The following ALPL variants were observed in gnomAD, a reference collection of about 807,000 sequenced individuals.
ALPL encodes the protein alkaline phosphatase, tissue-nonspecific isozyme.
Under a neutral mutation model 51.3 loss-of-function variants are expected in ALPL, and 42 were observed. That is an observed-to-expected ratio of 0.82 (90% CI 0.64 to 1.06). The LOEUF (loss-of-function observed/expected upper bound fraction) is 1.06. ALPL is among the 50% of genes least tolerant of loss of function. ALPL has a pLI of 0.00. For synonymous variants in ALPL, 279 were observed against 296.4 expected, an observed-to-expected ratio of 0.94 and a Z score of 0.60; for missense variants, 589 against 709.4, an observed-to-expected ratio of 0.83 and a Z score of 1.93.
rs1330098014 is a variant in ALPL, at chr1:21,509,578, C to T, written c.-105+61C>T. On this transcript the variant is annotated intron_variant, in intron 1 of 11. Transcript: ENST00000374840. The surrounding 1 kb of genome is among the most constrained non-coding windows in gnomAD (Gnocchi z 6.0). The stretch of plus-strand genomic sequence containing the variant: ...CAGGGCCCCAGCGGACGTGGTCCAT[C>T]CCCTTCTGCATCCTCCGCTGGCCCC... 2 of 152,390 alleles carry T rather than the reference C, an allele frequency of 1.3e-5. No individual in the cohort carries two copies. Among genetic ancestry groups the T allele is most frequent in the African/African-American group, 4.8e-5 (2 of 41,452 alleles). The allele number at this position is 152,390 out of a possible 1,614,324, so 9.4% of individuals were successfully genotyped here.
At chr1:21,571,738 C>T (rs922058180) in intron 8 of ALPL, among the ~76,000 whole-genome samples, 8 of 151,982 alleles carry the variant, frequency 5.3e-5, no homozygotes, top group African/African-American at 1.7e-4. Flanking sequence ...GCCTGTAATC[C>T]TAGCACTTTG....
chr1:21,553,932 A>G, intron 1 of ALPL, 46 bp from the exon 2 acceptor site: 1 of 719,254 alleles, frequency 1.4e-6, no homozygotes, highest in Non-Finnish European at 2.6e-6. Context: ...AAGGATCTCT[A>G]GAGCTGTGCC....
rs1056705094 is a variant in ALPL at position 21,569,584 on chromosome 1, G to A, written c.793-721G>A. 2.2e-4 allele frequency among the ~76,000 whole-genome samples: 33 copies of A among 152,252 alleles called. 1 individual carries two copies. The highest frequency in any genetic ancestry group is 4.1e-4 in the South Asian group (2 of 4,828). The stretch of plus-strand genomic sequence containing the variant: ...AAGCAGGGGCTGGGAGGGGGGGTGC[G>A]GAGCCCCACTTTCTGAGCCTCTCTG... On this transcript the variant is annotated intron_variant, in intron 7 of 11. Transcript: ENST00000374840.
chr1:21,513,134 A>G (rs962881916), intron 1 of ALPL, among the ~76,000 whole-genome samples: 1 of 152,030 alleles, frequency 6.6e-6, no homozygotes, highest in South Asian at 2.1e-4. Flanking sequence ...GAGAGGAGAC[A>G]TAGATCCCCA....
chr1:21,512,325 T>C (rs113459200), intron 1 of ALPL, among the ~76,000 whole-genome samples: 2 of 152,228 alleles, frequency 1.3e-5, no homozygotes, highest in Non-Finnish European at 2.9e-5. Context: ...ACCTTCCCTT[T>C]CGAAGCCTCA....
intron 1 of ALPL, among the ~76,000 whole-genome samples, chr1:21,533,983 A>T (rs1417175930): frequency 1.3e-5 from 2 of 151,508 alleles, no homozygotes; most frequent in Non-Finnish European, 2.9e-5. Context: ...GACTTGGGAG[A>T]TTACCAAATA....
At chr1:21,557,410 A>T (rs1358192960) in intron 2 of ALPL, among the ~76,000 whole-genome samples, 1 of 152,218 alleles carries the variant, frequency 6.6e-6, no homozygotes, top group African/African-American at 2.4e-5. Flanking sequence ...CTCTCAGGCC[A>T]TTGCTGCGTC....
chr1:21,549,738 C>T (rs1280110173), intron 1 of ALPL, among the ~76,000 whole-genome samples: 3 of 152,146 alleles, frequency 2.0e-5, no homozygotes, highest in African/African-American at 7.2e-5. Flanking sequence ...GCTGGGATTA[C>T]AGGTGTGAGC....
At chr1:21,573,579 T>A in intron 8 of ALPL, 86 bp from the exon 9 acceptor site, 2 of 1,550,954 alleles carry the variant, frequency 1.3e-6, no homozygotes, top group Non-Finnish European at 1.8e-6. Context: ...GGAGCCTGCA[T>A]TCCCTGAGAC....
chr1:21,535,636 G>A (rs945225873), intron 1 of ALPL, among the ~76,000 whole-genome samples: 1 of 152,050 alleles, frequency 6.6e-6, no homozygotes, highest in African/African-American at 2.4e-5. Flanking sequence ...AAAGGAGAGT[G>A]AAGCTGGATG....
chr1:21,539,731 T>G (rs1052896386), intron 1 of ALPL, among the ~76,000 whole-genome samples: 3 of 151,650 alleles, frequency 2.0e-5, no homozygotes, highest in Non-Finnish European at 4.4e-5. Flanking sequence ...CACAGCTCAT[T>G]GCAAGCTCCA....
At chr1:21,526,435 C>T (rs538909868) in intron 1 of ALPL, among the ~76,000 whole-genome samples, 39 of 152,216 alleles carry the variant, frequency 2.6e-4, no homozygotes, top group African/African-American at 8.7e-4. Flanking sequence ...CTACCACGCC[C>T]GGCCTACTTT....
chr1:21,524,670 G>A (rs1643918536), intron 1 of ALPL, among the ~76,000 whole-genome samples: 1 of 152,146 alleles, frequency 6.6e-6, no homozygotes, highest in Admixed American at 6.6e-5. Flanking sequence ...TGTCAGATGG[G>A]TACACTCTTC....
intron 1 of ALPL, among the ~76,000 whole-genome samples, chr1:21,546,575 C>T (rs994371489): frequency 3.9e-5 from 6 of 152,300 alleles, no homozygotes; most frequent in Admixed American, 3.3e-4. Context: ...AAGGCCCCTC[C>T]GTGCTGGCAA....
chr1:21,555,448 C>A (rs919853655), intron 2 of ALPL, among the ~76,000 whole-genome samples: 1 of 152,226 alleles, frequency 6.6e-6, no homozygotes, highest in Non-Finnish European at 1.5e-5. Context: ...CAGACTCTCA[C>A]TCTGTTTGCC....
At chr1:21,561,306 C>G (rs1338915904) in intron 4 of ALPL, 94 bp downstream of exon 4, 15 of 1,126,280 alleles carry the variant, frequency 1.3e-5, no homozygotes, top group Non-Finnish European at 1.8e-5. Flanking sequence ...CCCTGACCCC[C>G]TGAGCCCCCT....
chr1:21,533,937 AG>A (rs66837538), intron 1 of ALPL, among the ~76,000 whole-genome samples: 1 of 36,842 alleles, frequency 2.7e-5, no homozygotes, highest in African/African-American at 1.0e-4. Flanking sequence ...AAAAAAAAAA[AG>A]AAGAAGAAGA....
Position 21,509,685 on chromosome 1 carries a change from T to G in ALPL, c.-105+168T>G, listed in dbSNP as rs540458224. Among the ~76,000 whole-genome samples the G allele has an allele frequency of 6.6e-6, 1 of 152,140 alleles. No individual in the cohort carries two copies. Among genetic ancestry groups the G allele is most frequent in the Non-Finnish European group, 1.5e-5 (1 of 67,976 alleles). On this transcript the variant is annotated intron_variant, in intron 1 of 11. Coordinates refer to ENST00000374840, the MANE Select transcript of ALPL (RefSeq NM_000478.6). This position sits in a 1 kb window ranked among gnomAD's most constrained non-coding sequence, Gnocchi z 6.0. ...CCCATTCGGGACGCCCTGCAATTGG[T>G]CCTGCCCCTGTCCTCCCGCGCATCC...
chr1:21,550,581 C>T (rs885813), intron 1 of ALPL, among the ~76,000 whole-genome samples: 56,518 of 151,810 alleles, frequency 0.37, 11,067 homozygotes, highest in Middle Eastern at 0.48. Flanking sequence ...ATAAAATGCA[C>T]GTAGAGAAAA....
Sources: gnomAD v4.1 joint callset for allele counts (sites outside exome capture counted in the v4.1 genomes callset) on GRCh38, gnomAD v4.1.1 for gene constraint, Gnocchi (gnomAD v3.1) non-coding constraint, MANE v1.5 for transcripts, NCBI Gene and HGNC (gene_info 2026-07-23, HGNC 2026-07-21) for gene names.